The following BSDC1 variants were observed in gnomAD, a reference collection of about 807,000 sequenced individuals.
BSDC1 encodes the protein BSD domain-containing protein 1.
Under a neutral mutation model 56.0 loss-of-function variants are expected in BSDC1, and 29 were observed. The observed-to-expected ratio is 0.52, with a 90% CI of 0.39 to 0.71. The LOEUF is 0.71. Among genes scored for constraint, BSDC1 ranks in the 30% least tolerant of loss-of-function variants. BSDC1 has a pLI of 0.00. For missense variants in BSDC1, 477 were observed against 548.5 expected (o/e 0.87, Z 1.30); for synonymous variants, 210 against 215.3 (o/e 0.98, Z 0.21).
At chr1:32,394,311 C>T (rs61781216) in intron 1 of BSDC1, 93 bp downstream of exon 1, 2 of 1,602,624 alleles carry the variant, frequency 1.2e-6, no homozygotes, top group African/African-American at 1.3e-5. Context: ...CACGCCCCCG[C>T]TGATCTCACG....
At chr1:32,368,008 G>A (rs966191788) in intron 10 of BSDC1, 5 of 1,145,582 alleles carry the variant, frequency 4.4e-6, no homozygotes, top group Non-Finnish European at 5.4e-6. Context: ...GTCAGGCAGG[G>A]TTTGATGTCT....
intron 9 of BSDC1, among the ~76,000 whole-genome samples, chr1:32,371,321 T>A (rs1306458995): frequency 6.7e-6 from 1 of 148,492 alleles, no homozygotes; most frequent in Non-Finnish European, 1.5e-5. Flanking sequence ...TTTTTTTTTT[T>A]TTTTTATTTG....
intron 4 of BSDC1, among the ~76,000 whole-genome samples, chr1:32,381,813 TGTC>T (rs1642484250): frequency 6.6e-6 from 1 of 152,262 alleles, no homozygotes; most frequent in African/African-American, 2.4e-5. Context: ...GATAATTCAC[TGTC>T]GTTATAGCTC....
intron 9 of BSDC1, among the ~76,000 whole-genome samples, chr1:32,369,503 G>A (rs1035040260): frequency 6.6e-6 from 1 of 152,076 alleles, no homozygotes; most frequent in African/African-American, 2.4e-5. Flanking sequence ...GCAAAACCCT[G>A]TCTCTAAAGA....
intron 10 of BSDC1, chr1:32,366,889 C>T (rs1465315143): frequency 8.0e-6 from 10 of 1,249,284 alleles, no homozygotes; most frequent in Non-Finnish European, 1.0e-5. Context: ...AAAGGAAACA[C>T]TTCCCCCAAC....
Position 32,376,369 on chromosome 1 carries a change from G to A in BSDC1, c.1049C>T (p.Pro350Leu), listed in dbSNP as rs1272148217. The change falls in exon 9 of 11, where the codon CCT becomes CTT. Residue 350 changes from proline (P) to leucine (L), a missense_variant. By Grantham distance (98) the Pro-to-Leu change is moderately conservative. Transcript: ENST00000455895. The stretch of plus-strand genomic sequence containing the variant: ...CCTCAGAGTCTCTACTCTGGCTGGA[G>A]GCCTGGGCTCTGGGCCGCCGGTGTG... ...AGHTGGPEPR[P>L]PARVETLREE... 1 of 1,613,702 alleles carries A rather than the reference G, an allele frequency of 6.2e-7. No homozygotes were observed. Among genetic ancestry groups the A allele is most frequent in the Non-Finnish European group, 8.5e-7 (1 of 1,179,682 alleles).
At chr1:32,369,317 A>C (rs923865026) in intron 9 of BSDC1, 1 of 1,289,422 alleles carries the variant, frequency 7.8e-7, no homozygotes, top group South Asian at 1.2e-5. Flanking sequence ...GAGGAAATCA[A>C]CAGTGAACTG....
At chr1:32,391,525 A>G (rs1642865456) in intron 2 of BSDC1, among the ~76,000 whole-genome samples, 1 of 151,988 alleles carries the variant, frequency 6.6e-6, no homozygotes, top group Non-Finnish European at 1.5e-5. Flanking sequence ...ACCAAAAAGC[A>G]TTTGGTGCCT....
At position 32,371,380 on chromosome 1, in the gene BSDC1, G is replaced by A. The variant is rs528055424; in HGVS notation, c.1157-2830C>T. On this transcript the variant is annotated intron_variant, in intron 9 of 10. Transcript: ENST00000455895. ...GGCTGGAGTGCAGTGGCACAATCTC[G>A]GCTCACTGCAAGCTCTGCCTCCTGG... 1.8e-3 allele frequency among the ~76,000 whole-genome samples: 263 copies of A among 146,496 alleles called. 4 individuals are homozygous for A. Among genetic ancestry groups the A allele is most frequent in the African/African-American group, 5.9e-3 (231 of 38,956 alleles).
At position 32,386,842 on chromosome 1, in the gene BSDC1, C is replaced by A. The variant is rs1479083380; in HGVS notation, c.126G>T (p.Val42=). 6.2e-7 allele frequency: 1 copy of A among 1,612,428 alleles called. No individual in the cohort carries two copies. Among genetic ancestry groups the A allele is most frequent in the Non-Finnish European group, 8.5e-7 (1 of 1,180,022 alleles). ...MKRDLTEFTQ[V]VQHDTACTIA... ...TGGTACAGGCCGTGTCATGCTGCAC[C>A]ACCTGGGTAAACTCCGTCAGGTCCC... Residue 42 remains valine (V), a synonymous_variant, in exon 3 of 11, where the codon GTG becomes GTT. Transcript: ENST00000455895.
intron 10 of BSDC1, 149 bp from the exon 11 acceptor site, chr1:32,366,803 C>T (rs1641871130): frequency 2.9e-6 from 4 of 1,398,496 alleles, no homozygotes; most frequent in Admixed American, 6.5e-5. Flanking sequence ...AACCCCTAGT[C>T]TTAAGGAATG....
intron 2 of BSDC1, among the ~76,000 whole-genome samples, chr1:32,392,071 C>T (rs1400411665): frequency 6.6e-6 from 1 of 152,208 alleles, no homozygotes; most frequent in African/African-American, 2.4e-5. Flanking sequence ...GTGGCTCACA[C>T]CTGTAATCCT....
rs1366989625 is a variant in BSDC1, at chr1:32,378,477, G to A, written c.529-194C>T. ...CTTCCTAGTCCGGGTTGGCCAAGGA[G>A]TGAGAAAAGAACTCCCATCAGGCTT... is the stretch of plus-strand genomic sequence containing the variant. On this transcript the variant is annotated intron_variant, in intron 6 of 10. Coordinates refer to ENST00000455895, the MANE Select transcript of BSDC1 (RefSeq NM_018045.8). The surrounding 1 kb of genome is among the most constrained non-coding windows in gnomAD (Gnocchi z 5.2). 6.6e-6 allele frequency among the ~76,000 whole-genome samples: 1 copy of A among 152,176 alleles called. No individual in the cohort carries two copies. Among genetic ancestry groups the A allele is most frequent in the Non-Finnish European group, 1.5e-5 (1 of 68,032 alleles).
At chr1:32,386,663 ATCCACATATTTT>A in intron 3 of BSDC1, 104 bp downstream of exon 3, 1 of 609,918 alleles carries the variant, frequency 1.6e-6, no homozygotes. Flanking sequence ...AGGAAAAGTA[ATCCACATATTTT>A]TCCCCATATG....
chr1:32,370,730 G>A (rs1642047126), intron 9 of BSDC1, among the ~76,000 whole-genome samples: 1 of 150,690 alleles, frequency 6.6e-6, no homozygotes, highest in Non-Finnish European at 1.5e-5. Context: ...CTTGAACCCG[G>A]GAGGCAGAGC....
In BSDC1 at chr1:32,376,427, G is replaced by T. The variant is rs201712402; in HGVS notation, c.991C>A (p.Pro331Thr). Residue 331 changes from proline (P) to threonine (T), a missense_variant, in exon 9 of 11, where the codon CCT becomes ACT. Physicochemically the swap from Pro to Thr is conservative, Grantham distance 38. Coordinates refer to ENST00000455895, the MANE Select transcript of BSDC1 (RefSeq NM_018045.8). The part of the protein sequence containing the change: ...VDVGETGPSP[P>T]IHSKPLTPAG... The stretch of plus-strand genomic sequence containing the variant: ...GGCGTTAGGGGCTTGGAGTGAATAG[G>T]GGGTGAGGGTCCAGTCTCACCCACA... 5 of 1,613,648 alleles carry T rather than the reference G, an allele frequency of 3.1e-6. No homozygotes were observed. The highest frequency in any genetic ancestry group is 4.2e-6 in the Non-Finnish European group (5 of 1,179,608).
At chr1:32,383,538 GTCT>G (rs1642560378) in intron 4 of BSDC1, among the ~76,000 whole-genome samples, 1 of 151,298 alleles carries the variant, frequency 6.6e-6, no homozygotes, top group Non-Finnish European at 1.5e-5. Context: ...TGTATAAAAT[GTCT>G]TTTTTGTTCA....
At chr1:32,390,253 G>C (rs2148144266) in intron 2 of BSDC1, among the ~76,000 whole-genome samples, 1 of 152,306 alleles carries the variant, frequency 6.6e-6, no homozygotes. Context: ...GAGAAGATTA[G>C]AAGAGGAAGA....
Position 32,378,631 on chromosome 1 carries a change from C to T in BSDC1, c.528+93G>A, listed in dbSNP as rs1642376841. The T allele has an allele frequency of 3.3e-6, 3 of 910,470 alleles. No homozygotes were observed. The Admixed American group carries it at 9.0e-5, about 27-fold the overall frequency. 56.4% of individuals were successfully genotyped at this position (910,470 alleles called of 1,614,324 possible). On this transcript the variant is annotated intron_variant, in intron 6 of 10. Coordinates refer to ENST00000455895, the MANE Select transcript of BSDC1 (RefSeq NM_018045.8). This position sits in a 1 kb window ranked among gnomAD's most constrained non-coding sequence, Gnocchi z 5.2. The stretch of plus-strand genomic sequence containing the variant: ...TGGAGCCTCCCAGTGCTCTCCGGGC[C>T]AGATGACTCTGCAGTGACTCTGAAC...
Sources: gnomAD v4.1 joint callset for allele counts (sites outside exome capture counted in the v4.1 genomes callset) on GRCh38, gnomAD v4.1.1 for gene constraint, Gnocchi (gnomAD v3.1) non-coding constraint, MANE v1.5 for transcripts, NCBI Gene and HGNC (gene_info 2026-07-23, HGNC 2026-07-21) for gene names.